Variants in MYO9A observed in about 807,000 individuals in gnomAD.
The protein encoded by MYO9A is myosin IXA.
A neutral mutation model predicts 293.3 loss-of-function variants in MYO9A; 103 were observed. The ratio of observed to expected loss-of-function variants is 0.35; its 90% CI spans 0.30 to 0.41. The LOEUF (loss-of-function observed/expected upper bound fraction) is 0.41. Ranked by LOEUF, MYO9A falls within the 10% of genes least tolerant of loss-of-function variation. The pLI is 1.00. For missense variants in MYO9A, 2,685 were observed against 3,033.0 expected (o/e 0.89, Z 2.69); for synonymous variants, 1,001 against 1,035.7 (o/e 0.97, Z 0.64).
intron 1 of MYO9A, among the ~76,000 whole-genome samples, chr15:72,093,244 C>G (rs2079972404): frequency 6.6e-6 from 1 of 152,132 alleles, no homozygotes; most frequent in Non-Finnish European, 1.5e-5. Context: ...AATGACTTAG[C>G]AAGCTAGGTG....
intron 12 of MYO9A, among the ~76,000 whole-genome samples, chr15:71,973,856 T>TA (rs1223394646): frequency 6.6e-6 from 1 of 152,224 alleles, no homozygotes; most frequent in African/African-American, 2.4e-5. Flanking sequence ...ACATTCCTCT[T>TA]ACACCTTCTC....
rs1281586843 is a variant in MYO9A, at chr15:72,118,134, C to A, written c.-526G>T. On this transcript the variant is annotated 5_prime_UTR_variant, in exon 1 of 42. Transcript: ENST00000356056. ...CCCCGCGCGACTCCCCGGCTGCAGG[C>A]GAGCAGGCGCGCGCGCACTTACCTC... The A allele has an allele frequency of 1.3e-5, 5 of 379,860 alleles. No homozygotes were observed. The highest frequency in any genetic ancestry group is 2.3e-5 in the Non-Finnish European group (5 of 214,196). The allele number at this position is 379,860 out of a possible 1,614,324, so 23.5% of individuals were successfully genotyped here.
intron 1 of MYO9A, among the ~76,000 whole-genome samples, chr15:72,059,767 G>C (rs2078826247): frequency 6.6e-6 from 1 of 152,130 alleles, no homozygotes; most frequent in Non-Finnish European, 1.5e-5. Context: ...TTCAGGAAAA[G>C]CATCGTCAGT....
chr15:71,984,175 T>C (rs1455761916), intron 11 of MYO9A, among the ~76,000 whole-genome samples: 1 of 152,234 alleles, frequency 6.6e-6, no homozygotes. Context: ...TTGTGTTAGA[T>C]GATTTTGCCC....
At chr15:71,963,173 T>TC (rs1399657650) in intron 13 of MYO9A, among the ~76,000 whole-genome samples, 3 of 152,112 alleles carry the variant, frequency 2.0e-5, no homozygotes, top group Admixed American at 2.0e-4. Context: ...AACCTCTGCC[T>TC]CCCGGGCTCA....
chr15:71,829,654 G>T (rs1284914939), intron 40 of MYO9A, among the ~76,000 whole-genome samples: 1 of 151,876 alleles, frequency 6.6e-6, no homozygotes. Context: ...TTCCTTCATG[G>T]ATTTGTGAAT....
intron 12 of MYO9A, among the ~76,000 whole-genome samples, chr15:71,975,850 C>A (rs954962905): frequency 4.1e-4 from 63 of 152,218 alleles, no homozygotes; most frequent in Non-Finnish European, 4.0e-4. Context: ...TCCATAAAAA[C>A]CCCAAAAAAG....
At chr15:71,949,870 C>T (rs1042173692) in intron 15 of MYO9A, among the ~76,000 whole-genome samples, 4 of 151,994 alleles carry the variant, frequency 2.6e-5, no homozygotes, top group Non-Finnish European at 5.9e-5. Flanking sequence ...TTTTCTATCT[C>T]TGAAACTATG....
At chr15:71,839,411 T>C (rs1239317284) in intron 39 of MYO9A, among the ~76,000 whole-genome samples, 2 of 151,784 alleles carry the variant, frequency 1.3e-5, no homozygotes, top group Non-Finnish European at 2.9e-5. Context: ...TTTTTTTTTC[T>C]TTCTTTCTTT....
intron 2 of MYO9A, among the ~76,000 whole-genome samples, chr15:72,039,338 C>A (rs2078157050): frequency 6.6e-6 from 1 of 151,890 alleles, no homozygotes; most frequent in Admixed American, 6.6e-5. Flanking sequence ...CTTAATTTGG[C>A]AAAATCTGTT....
At chr15:72,024,907 G>A (rs1232296759) in intron 4 of MYO9A, among the ~76,000 whole-genome samples, 1 of 151,688 alleles carries the variant, frequency 6.6e-6, no homozygotes, top group East Asian at 1.9e-4. Context: ...AGGAATAGAA[G>A]AACAGAAGAA....
intron 18 of MYO9A, among the ~76,000 whole-genome samples, chr15:71,920,263 T>C (rs1285944224): frequency 6.6e-6 from 1 of 152,172 alleles, no homozygotes; most frequent in African/African-American, 2.4e-5. Context: ...CAAGGTGCTG[T>C]AGGCAAAAAG....
intron 14 of MYO9A, among the ~76,000 whole-genome samples, chr15:71,956,038 G>C (rs776898539): frequency 6.6e-6 from 1 of 151,434 alleles, no homozygotes; most frequent in Non-Finnish European, 1.5e-5. Context: ...ATGGTGGCTC[G>C]CACCTGTAAT....
chr15:71,959,865 AT>A, intron 14 of MYO9A, 35 bp downstream of exon 14: 2 of 1,345,778 alleles, frequency 1.5e-6, no homozygotes, highest in African/African-American at 1.5e-5. Context: ...AAAAAAAAAG[AT>A]GAAGTATGGT....
intron 39 of MYO9A, among the ~76,000 whole-genome samples, chr15:71,847,215 T>C (rs977321592): frequency 6.6e-6 from 1 of 151,892 alleles, no homozygotes; most frequent in Non-Finnish European, 1.5e-5. Flanking sequence ...AACTACACAA[T>C]ACAGAGGAAG....
intron 13 of MYO9A, chr15:71,960,343 T>A (rs1352031929): frequency 2.2e-6 from 1 of 453,168 alleles, no homozygotes; most frequent in Non-Finnish European, 3.9e-6. Context: ...ATCTGGTTAT[T>A]TAAAAGTGTG....
intron 1 of MYO9A, among the ~76,000 whole-genome samples, chr15:72,080,674 T>G (rs1407192737): frequency 6.6e-6 from 1 of 152,062 alleles, no homozygotes; most frequent in Non-Finnish European, 1.5e-5. Flanking sequence ...TTAACTCACA[T>G]CACAGGGGTC....
rs2081067333 is a variant in MYO9A, at chr15:72,118,022, T to C, written c.-414A>G. ...CCGCCTCTCGCAGTCCGGGCTGTCC[T>C]GTACTCTCTCAACAGACACAGCCAA... On this transcript the variant is annotated 5_prime_UTR_variant, in exon 1 of 42. Coordinates refer to ENST00000356056, the MANE Select transcript of MYO9A (RefSeq NM_006901.4). 2 of 397,612 alleles carry C rather than the reference T, an allele frequency of 5.0e-6. No individual in the cohort carries two copies. The highest frequency in any genetic ancestry group is 8.8e-5 in the Admixed American group (2 of 22,668). The allele number at this position is 397,612 out of a possible 1,614,324, so 24.6% of individuals were successfully genotyped here. A position where few individuals can be genotyped will look rare whatever the true frequency, so the allele number is the denominator to read the frequency against.
intron 11 of MYO9A, among the ~76,000 whole-genome samples, chr15:71,979,602 C>A (rs187106610): frequency 6.6e-6 from 1 of 152,126 alleles, no homozygotes; most frequent in East Asian, 1.9e-4. Flanking sequence ...GTTGGATGTA[C>A]CTGAAGTTCA....
Sources: gnomAD v4.1 joint callset for allele counts (sites outside exome capture counted in the v4.1 genomes callset) on GRCh38, gnomAD v4.1.1 for gene constraint, MANE v1.5 for transcripts, NCBI Gene and HGNC (gene_info 2026-07-23, HGNC 2026-07-21) for gene names.